Variants in MLLT3 observed in about 807,000 individuals in gnomAD.
The protein encoded by MLLT3 is MLLT3 super elongation complex subunit.
Under a neutral mutation model 53.2 loss-of-function variants are expected in MLLT3, and 4 were observed. That is an observed-to-expected ratio of 0.08 (90% CI 0.04 to 0.17). MLLT3 has a LOEUF of 0.17. MLLT3 is among the 10% of genes least tolerant of loss of function. The pLI is 1.00. For missense variants in MLLT3, 569 were observed against 684.0 expected, an observed-to-expected ratio of 0.83 and a Z score of 1.87; for synonymous variants, 283 against 230.6, an observed-to-expected ratio of 1.23 and a Z score of -2.06.
intron 2 of MLLT3, among the ~76,000 whole-genome samples, chr9:20,545,856 CAAAA>C (rs5896901): frequency 5.0e-4 from 50 of 99,838 alleles, no homozygotes; most frequent in Non-Finnish European, 6.6e-4. Flanking sequence ...CAGTCTCTAC[CAAAA>C]AAAAAAAAAA....
At chr9:20,486,383 T>A (rs1386813338) in intron 2 of MLLT3, among the ~76,000 whole-genome samples, 1 of 152,064 alleles carries the variant, frequency 6.6e-6, no homozygotes, top group Non-Finnish European at 1.5e-5. Context: ...CTGAGAGATA[T>A]AAAATAAGAC....
chr9:20,456,885 C>G (rs554551733), intron 2 of MLLT3, 99 bp from the exon 3 acceptor site: 7 of 868,618 alleles, frequency 8.1e-6, no homozygotes, highest in South Asian at 3.2e-5. Flanking sequence ...CTAGATCACA[C>G]GCAATTTTCA....
chr9:20,457,212 T>TA (rs1431112748), intron 2 of MLLT3, among the ~76,000 whole-genome samples: 2 of 151,106 alleles, frequency 1.3e-5, no homozygotes, highest in African/African-American at 4.9e-5. Context: ...ACTTCTGACT[T>TA]GTCTGAGATG....
At chr9:20,478,409 G>T (rs1260994820) in intron 2 of MLLT3, among the ~76,000 whole-genome samples, 1 of 152,096 alleles carries the variant, frequency 6.6e-6, no homozygotes, top group Non-Finnish European at 1.5e-5. Context: ...CAGAAGAGAT[G>T]CTCACTAACC....
intron 2 of MLLT3, among the ~76,000 whole-genome samples, chr9:20,515,433 GTTCCTTTTCT>G (rs1353050229): frequency 6.6e-6 from 1 of 152,128 alleles, no homozygotes; most frequent in African/African-American, 2.4e-5. Context: ...AGGGTTTAAA[GTTCCTTTTCT>G]TTCCCTCTTG....
intron 2 of MLLT3, among the ~76,000 whole-genome samples, chr9:20,575,260 G>A (rs990924038): frequency 2.6e-5 from 4 of 152,066 alleles, no homozygotes; most frequent in African/African-American, 9.7e-5. Flanking sequence ...ATCTAGAATA[G>A]TGAACCTTTT....
intron 10 of MLLT3, among the ~76,000 whole-genome samples, chr9:20,347,523 A>G (rs1266596045): frequency 6.6e-6 from 1 of 152,232 alleles, no homozygotes; most frequent in African/African-American, 2.4e-5. Flanking sequence ...TCAGGAGAAC[A>G]CTTCTGAAGT....
chr9:20,387,567 C>T (rs566050743), intron 5 of MLLT3, among the ~76,000 whole-genome samples: 2 of 152,262 alleles, frequency 1.3e-5, no homozygotes, highest in African/African-American at 4.8e-5. Context: ...TTTTATCCTG[C>T]AAAATAGCAG....
At chr9:20,354,300 C>T (rs1821109053) in intron 9 of MLLT3, among the ~76,000 whole-genome samples, 1 of 152,172 alleles carries the variant, frequency 6.6e-6, no homozygotes, top group African/African-American at 2.4e-5. Context: ...CATGGGTGCC[C>T]CCAGCACCAT....
At chr9:20,499,377 G>A (rs1371207801) in intron 2 of MLLT3, among the ~76,000 whole-genome samples, 2 of 152,160 alleles carry the variant, frequency 1.3e-5, no homozygotes, top group East Asian at 1.9e-4. Context: ...AAAACCCACT[G>A]TAAATGATAC....
At chr9:20,441,564 C>T (rs73430776) in intron 4 of MLLT3, among the ~76,000 whole-genome samples, 5,645 of 152,102 alleles carry the variant, frequency 0.037, 288 homozygotes, top group African/African-American at 0.12. Flanking sequence ...AAATTAGCTT[C>T]TAAGAAATAA....
At chr9:20,410,424 G>T (rs1246555672) in intron 5 of MLLT3, 1 of 152,050 alleles carries the variant, frequency 6.6e-6, no homozygotes, top group Admixed American at 6.6e-5. Context: ...ATACTATTAT[G>T]ATCTCCATTT....
chr9:20,500,334 A>G (rs1462085164), intron 2 of MLLT3, among the ~76,000 whole-genome samples: 1 of 152,196 alleles, frequency 6.6e-6, no homozygotes, highest in African/African-American at 2.4e-5. Flanking sequence ...AGGTTTCACA[A>G]CTGAACACCG....
intron 4 of MLLT3, among the ~76,000 whole-genome samples, chr9:20,432,761 G>T (rs957736558): frequency 3.3e-5 from 5 of 151,984 alleles, no homozygotes; most frequent in African/African-American, 1.2e-4. Context: ...ACACACTTGG[G>T]AAACGGCTGC....
intron 2 of MLLT3, among the ~76,000 whole-genome samples, chr9:20,556,791 T>C (rs1034664782): frequency 6.6e-6 from 1 of 152,210 alleles, no homozygotes; most frequent in African/African-American, 2.4e-5. Flanking sequence ...TCACTGATTT[T>C]TTTAATGAAT....
chr9:20,493,509 T>A (rs1007267519), intron 2 of MLLT3, among the ~76,000 whole-genome samples: 1 of 152,054 alleles, frequency 6.6e-6, no homozygotes, highest in Non-Finnish European at 1.5e-5. Flanking sequence ...TAAATTTAAG[T>A]TCTGGCAAGC....
chr9:20,502,100 G>A (rs1318664509), intron 2 of MLLT3, among the ~76,000 whole-genome samples: 1 of 145,984 alleles, frequency 6.9e-6, no homozygotes, highest in African/African-American at 2.5e-5. Context: ...AAAAGGGGGG[G>A]GGGGGGACTA....
intron 2 of MLLT3, among the ~76,000 whole-genome samples, chr9:20,593,560 A>G (rs1482480022): frequency 6.6e-6 from 1 of 152,226 alleles, no homozygotes; most frequent in African/African-American, 2.4e-5. Flanking sequence ...GACACTGGAG[A>G]GAGAAAAATT....
intron 4 of MLLT3, among the ~76,000 whole-genome samples, chr9:20,421,037 G>T (rs1822995434): frequency 6.6e-6 from 1 of 152,172 alleles, no homozygotes; most frequent in South Asian, 2.1e-4. Flanking sequence ...GCTGAGGCAG[G>T]TGGATCACTT....
Sources: allele counts gnomAD v4.1 joint callset (sites outside exome capture counted in the v4.1 genomes callset), GRCh38; gene constraint gnomAD v4.1.1; transcripts MANE v1.5; gene names NCBI Gene and HGNC (gene_info 2026-07-23, HGNC 2026-07-21).